Variants in ETV6 observed in about 807,000 individuals in gnomAD.
ETV6 encodes the protein ETS variant transcription factor 6, also known as transcription factor ETV6.
In ETV6, 16 loss-of-function variants were observed where a neutral mutation model predicts 51.1. The ratio of observed to expected loss-of-function variants is 0.31; its 90% CI spans 0.21 to 0.48. The LOEUF (loss-of-function observed/expected upper bound fraction) is 0.48, where lower values mean the gene tolerates loss of function less well. Among genes scored for constraint, ETV6 ranks in the 20% least tolerant of loss-of-function variants. The pLI is 0.99. For synonymous variants in ETV6, 240 were observed against 224.1 expected, an observed-to-expected ratio of 1.07 and a Z score of -0.64; for missense variants, 458 against 594.8, an observed-to-expected ratio of 0.77 and a Z score of 2.39.
intron 1 of ETV6, among the ~76,000 whole-genome samples, chr12:11,695,608 G>T (rs930364835): frequency 6.6e-6 from 1 of 152,218 alleles, no homozygotes; most frequent in Admixed American, 6.5e-5. Flanking sequence ...TTTCTCAACC[G>T]GGTTTCATCT....
intron 3 of ETV6, among the ~76,000 whole-genome samples, chr12:11,845,288 G>C (rs944361555): frequency 6.6e-6 from 1 of 152,234 alleles, no homozygotes; most frequent in Non-Finnish European, 1.5e-5. Context: ...GACCTAGGTA[G>C]CCTTGCAGAT....
chr12:11,846,601 T>C (rs1173067979), intron 3 of ETV6, among the ~76,000 whole-genome samples: 1 of 150,614 alleles, frequency 6.6e-6, no homozygotes, highest in Non-Finnish European at 1.5e-5. Flanking sequence ...CATCCAAGAG[T>C]GGGCAAAAAA....
At chr12:11,766,509 C>G (rs886613071) in intron 2 of ETV6, among the ~76,000 whole-genome samples, 2 of 152,230 alleles carry the variant, frequency 1.3e-5, no homozygotes, top group Non-Finnish European at 2.9e-5. Context: ...TTCTTCACAG[C>G]CTTCTTCATG....
intron 2 of ETV6, among the ~76,000 whole-genome samples, chr12:11,828,065 C>CT (rs1195379780): frequency 2.0e-5 from 3 of 151,750 alleles, no homozygotes; most frequent in Admixed American, 6.6e-5. Context: ...TATTTTCCTA[C>CT]TTTTTTTTTC....
At chr12:11,873,755 G>A (rs1402654278) in intron 5 of ETV6, among the ~76,000 whole-genome samples, 1 of 112,594 alleles carries the variant, frequency 8.9e-6, no homozygotes, top group Non-Finnish European at 1.8e-5. Context: ...GCCTCAGAGA[G>A]GTATAAGACA....
chr12:11,710,643 A>G (rs1337247107), intron 1 of ETV6, among the ~76,000 whole-genome samples: 1 of 124,598 alleles, frequency 8.0e-6, no homozygotes, highest in Non-Finnish European at 1.9e-5. Context: ...CAATGCTAGT[A>G]TTATAGTGCG....
chr12:11,731,583 C>A (rs7980069), intron 1 of ETV6, among the ~76,000 whole-genome samples: 1 of 151,644 alleles, frequency 6.6e-6, no homozygotes, highest in Non-Finnish European at 1.5e-5. Context: ...TAAGGAAAAG[C>A]GAATTTCAGA....
chr12:11,849,862 C>T (rs184645284), intron 3 of ETV6, among the ~76,000 whole-genome samples: 20 of 152,282 alleles, frequency 1.3e-4, no homozygotes, highest in Admixed American at 2.6e-4. Flanking sequence ...TACTGGGACA[C>T]ACTATCGCTG....
At chr12:11,823,943 C>T (rs1245728267) in intron 2 of ETV6, among the ~76,000 whole-genome samples, 2 of 152,214 alleles carry the variant, frequency 1.3e-5, no homozygotes, top group Non-Finnish European at 2.9e-5. Context: ...GTGGTTCCTG[C>T]ACTTTGGGCT....
intron 4 of ETV6, among the ~76,000 whole-genome samples, chr12:11,864,875 C>T (rs1946769969): frequency 6.6e-6 from 1 of 152,178 alleles, no homozygotes; most frequent in Non-Finnish European, 1.5e-5. Context: ...CCAATCATGT[C>T]TTCCTCTGTG....
intron 7 of ETV6, among the ~76,000 whole-genome samples, chr12:11,886,908 G>A (rs1947197042): frequency 6.6e-6 from 1 of 152,142 alleles, no homozygotes; most frequent in African/African-American, 2.4e-5. Flanking sequence ...TTTGGCAGGT[G>A]GGCCAGAAGA....
intron 1 of ETV6, among the ~76,000 whole-genome samples, chr12:11,680,200 G>A (rs753648498): frequency 9.2e-5 from 14 of 152,190 alleles, no homozygotes; most frequent in African/African-American, 2.9e-4. Flanking sequence ...GAACCAAATG[G>A]AACTACTCTG....
intron 1 of ETV6, among the ~76,000 whole-genome samples, chr12:11,726,623 A>G (rs1472604695): frequency 6.6e-6 from 1 of 152,090 alleles, no homozygotes; most frequent in Non-Finnish European, 1.5e-5. Flanking sequence ...AGAAAAAACA[A>G]TTAGCCAGCT....
chr12:11,762,105 G>C (rs59843195), intron 2 of ETV6, among the ~76,000 whole-genome samples: 1 of 152,250 alleles, frequency 6.6e-6, no homozygotes, highest in Non-Finnish European at 1.5e-5. Context: ...GATTGAAATC[G>C]GGTTAATGCT....
intron 2 of ETV6, among the ~76,000 whole-genome samples, chr12:11,833,886 T>G (rs1436025906): frequency 1.3e-5 from 2 of 152,230 alleles, no homozygotes; most frequent in African/African-American, 4.8e-5. Context: ...TCCATCTCTG[T>G]GTGCTACAGT....
intron 2 of ETV6, among the ~76,000 whole-genome samples, chr12:11,766,784 G>A (rs568194859): frequency 3.3e-4 from 50 of 152,318 alleles, no homozygotes; most frequent in Admixed American, 1.6e-3. Flanking sequence ...GCAGTCAGGG[G>A]AGAATGCAGC....
intron 1 of ETV6, among the ~76,000 whole-genome samples, chr12:11,706,213 G>A (rs1457256669): frequency 6.6e-6 from 1 of 152,234 alleles, no homozygotes; most frequent in Non-Finnish European, 1.5e-5. Context: ...TTGCAGTGCA[G>A]CTTTAAAAAT....
In ETV6 at chr12:11,893,599, A is replaced by G. The variant is rs1591757497; in HGVS notation, c.*2553A>G. 3 of 231,608 alleles carry G rather than the reference A, an allele frequency of 1.3e-5. No homozygotes were observed. The highest frequency in any genetic ancestry group is 1.8e-4 in the South Asian group (1 of 5,516). The allele number at this position is 231,608 out of a possible 1,614,324, so 14.3% of individuals were successfully genotyped here. ...CAAAATCCAAACCTTCCTGAACGCT[A>G]TGACACCATGAGTGGAAAATTCCAC... is the stretch of plus-strand genomic sequence containing the variant. On this transcript the variant is annotated 3_prime_UTR_variant, in exon 8 of 8. Coordinates refer to ENST00000396373, the MANE Select transcript of ETV6 (RefSeq NM_001987.5).
At chr12:11,755,612 C>T (rs551130959) in intron 2 of ETV6, among the ~76,000 whole-genome samples, 1 of 152,250 alleles carries the variant, frequency 6.6e-6, no homozygotes, top group Non-Finnish European at 1.5e-5. Context: ...GAAGCTGTGC[C>T]ACACACTTAA....
Sources: gnomAD v4.1 joint callset for allele counts (sites outside exome capture counted in the v4.1 genomes callset) on GRCh38, gnomAD v4.1.1 for gene constraint, MANE v1.5 for transcripts, NCBI Gene and HGNC (gene_info 2026-07-23, HGNC 2026-07-21) for gene names.